The following RUBCNL variants were observed in gnomAD, a reference collection of about 807,000 sequenced individuals.
RUBCNL encodes rubicon like autophagy enhancer.
A neutral mutation model predicts 69.5 loss-of-function variants in RUBCNL; 62 were observed. That is an observed-to-expected ratio of 0.89 (90% confidence interval 0.73 to 1.10). The LOEUF (loss-of-function observed/expected upper bound fraction) is 1.10. Ranked by LOEUF, RUBCNL falls within the 50% of genes least tolerant of loss-of-function variation. The pLI is 0.00. For missense variants in RUBCNL, 768 were observed against 798.1 expected, an observed-to-expected ratio of 0.96 and a Z score of 0.45; for synonymous variants, 291 against 303.6, an observed-to-expected ratio of 0.96 and a Z score of 0.43.
At chr13:46,368,007 A>G (rs758673668) in intron 5 of RUBCNL, 35 bp downstream of exon 5, 2 of 1,584,672 alleles carry the variant, frequency 1.3e-6, no homozygotes, top group East Asian at 2.2e-5. Flanking sequence ...TGTGAAACAC[A>G]TAACATACAG....
chr13:46,367,627 C>T (rs765636271), intron 5 of RUBCNL, among the ~76,000 whole-genome samples: 3 of 152,212 alleles, frequency 2.0e-5, no homozygotes, highest in Non-Finnish European at 4.4e-5. Flanking sequence ...TAAAGACATA[C>T]ATTTGTCCTG....
chr13:46,374,903 C>G (rs1457485156), intron 2 of RUBCNL, among the ~76,000 whole-genome samples: 1 of 152,192 alleles, frequency 6.6e-6, no homozygotes, highest in Non-Finnish European at 1.5e-5. Context: ...GATGACACAT[C>G]TGGCTCCTTC....
In RUBCNL at chr13:46,372,367, G is replaced by A. The variant is rs1259564011; in HGVS notation, c.109C>T (p.His37Tyr). 4 of 1,613,878 alleles carry A rather than the reference G, an allele frequency of 2.5e-6. No individual in the cohort carries two copies. The highest frequency in any genetic ancestry group is 3.4e-6 in the Non-Finnish European group (4 of 1,179,896). Residue 37 changes from histidine (H) to tyrosine (Y), a missense_variant, in exon 3 of 15, where the codon CAT (histidine) becomes TAT (tyrosine). Physicochemically the swap from His to Tyr is moderately conservative, Grantham distance 83. Coordinates refer to ENST00000429979, the MANE Select transcript of RUBCNL (RefSeq NM_025113.5). ...CTGATGTCTAATTGGCAAGGAGGAT[G>A]GTCAGTGTTCAGGAGTCTGGGCGAA... is the stretch of plus-strand genomic sequence containing the variant. Reference protein sequence around the residue: ...DGSPRLLNTDHPPCQLDIRLM... With the variant: ...DGSPRLLNTDYPPCQLDIRLM...
At chr13:46,349,654 G>A (rs2048326309) in intron 11 of RUBCNL, among the ~76,000 whole-genome samples, 1 of 151,742 alleles carries the variant, frequency 6.6e-6, no homozygotes, top group Non-Finnish European at 1.5e-5. Context: ...GCAGGAGAGG[G>A]GCTCCAAAGT....
At chr13:46,359,668 G>A (rs2048569128) in intron 8 of RUBCNL, 37 bp from the exon 9 acceptor site, 1 of 1,478,536 alleles carries the variant, frequency 6.8e-7, no homozygotes, top group Admixed American at 2.5e-5. Flanking sequence ...AACAACTTAA[G>A]CATATTTCAA....
intron 10 of RUBCNL, among the ~76,000 whole-genome samples, chr13:46,352,120 G>A (rs999069699): frequency 3.3e-5 from 5 of 152,094 alleles, no homozygotes; most frequent in Non-Finnish European, 7.4e-5. Flanking sequence ...GAGCCACCAC[G>A]CCCACTGCAC....
rs573184665 is a variant in RUBCNL, at chr13:46,359,605, T to G, written c.1146A>C (p.Lys382Asn). ...CTACATTCATACTGGATTCAAAGTC[T>G]TTTCGGACACACTCTTCATTTACGA... The part of the protein sequence containing the change: ...SIVVNEECVR[K>N]DFESSMNVVQ... Residue 382 changes from lysine (K) to asparagine (N), a missense_variant, in exon 9 of 15, where the codon AAA becomes AAC. Lys to Asn is a moderately conservative substitution (Grantham distance 94, BLOSUM62 0). Coordinates refer to ENST00000429979, the MANE Select transcript of RUBCNL (RefSeq NM_025113.5). 6.3e-7 allele frequency: 1 copy of G among 1,592,312 alleles called. No homozygotes were observed. Among genetic ancestry groups the G allele is most frequent in the African/African-American group, 1.3e-5 (1 of 74,774 alleles).
chr13:46,356,392 T>C (rs1243963766), intron 10 of RUBCNL, 40 bp downstream of exon 10: 1 of 1,601,542 alleles, frequency 6.2e-7, no homozygotes. Flanking sequence ...CTGGACCTTG[T>C]CATCACATCA....
intron 10 of RUBCNL, among the ~76,000 whole-genome samples, chr13:46,355,799 G>T (rs2048471931): frequency 6.6e-6 from 1 of 152,126 alleles, no homozygotes; most frequent in African/African-American, 2.4e-5. Flanking sequence ...AACACATGTG[G>T]CCTCACAGAA....
chr13:46,362,641 G>C (rs1446934917), intron 6 of RUBCNL, 43 bp from the exon 7 acceptor site: 8 of 1,404,056 alleles, frequency 5.7e-6, no homozygotes, highest in Admixed American at 5.5e-5. Context: ...CTTTTAGTCT[G>C]TTTCATTTAA....
rs999645944 is a variant in RUBCNL at position 46,383,972 on chromosome 13, C to T, written c.-239+3162G>A. On this transcript the variant is annotated intron_variant, in intron 1 of 14. Transcript: ENST00000429979. ...ACAGAAGATCTTTAAATCTTGTGGACTCAAATATCTCTTCAGAATATTAAT... is the reference window on the plus strand; with the variant it reads ...ACAGAAGATCTTTAAATCTTGTGGATTCAAATATCTCTTCAGAATATTAAT... Among the ~76,000 whole-genome samples, 4 of 152,152 alleles carry T rather than the reference C, an allele frequency of 2.6e-5. No individual in the cohort carries two copies. The East Asian group carries it at 7.7e-4, about 29-fold the overall frequency.
chr13:46,349,822 G>A lies in RUBCNL; in HGVS notation c.1569+291C>T, dbSNP rs374121208. The stretch of plus-strand genomic sequence containing the variant: ...CTCTCGAGTAGCTGGGATTACAGGC[G>A]TGTGCTACTATACCTGACTAATTTT... On this transcript the variant is annotated intron_variant, in intron 11 of 14. Coordinates refer to ENST00000429979, the MANE Select transcript of RUBCNL (RefSeq NM_025113.5). Among the ~76,000 whole-genome samples, 338 of 151,942 alleles carry A rather than the reference G, an allele frequency of 2.2e-3. 4 individuals carry two copies. The highest frequency in any genetic ancestry group is 0.012 in the South Asian group (56 of 4,810).
chr13:46,371,448 G>A (rs113192787), intron 3 of RUBCNL, among the ~76,000 whole-genome samples: 1 of 152,170 alleles, frequency 6.6e-6, no homozygotes, highest in Admixed American at 6.5e-5. Flanking sequence ...TAATAAAAAG[G>A]GGTTTTGTAT....
intron 9 of RUBCNL, among the ~76,000 whole-genome samples, chr13:46,356,873 C>G (rs1427975039): frequency 6.7e-6 from 1 of 148,434 alleles, no homozygotes; most frequent in Non-Finnish European, 1.5e-5. Context: ...GCCCAGCTAG[C>G]TTTTTTTGGC....
chr13:46,356,390 T>A, intron 10 of RUBCNL, 42 bp downstream of exon 10: 4 of 1,599,416 alleles, frequency 2.5e-6, no homozygotes, highest in Non-Finnish European at 3.4e-6. Flanking sequence ...TTCTGGACCT[T>A]GTCATCACAT....
At chr13:46,388,057 T>TA (rs576888291), upstream of RUBCNL, among the ~76,000 whole-genome samples, 21 of 151,606 alleles carry the variant, frequency 1.4e-4, no homozygotes, top group East Asian at 4.1e-3. Flanking sequence ...ACTAAAAATA[T>TA]AAAAATTAGC....
rs2048103515 is a variant in RUBCNL at position 46,336,094 on chromosome 13, A to T, written c.*7291T>A. On this transcript the variant is annotated 3_prime_UTR_variant, in exon 15 of 15. Coordinates refer to ENST00000429979, the MANE Select transcript of RUBCNL (RefSeq NM_025113.5). ...AGGAAGGGGAGAAATCACAAATGTC[A>T]TGATGTTTCCGGGTTCCAAAGCTTC... 2.0e-5 allele frequency among the ~76,000 whole-genome samples: 3 copies of T among 152,264 alleles called. No individual in the cohort carries two copies. The highest frequency in any genetic ancestry group is 2.0e-4 in the Admixed American group (3 of 15,290).
chr13:46,372,747 A>G (rs1594173219), intron 2 of RUBCNL, 150 bp from the exon 3 acceptor site: 3 of 525,476 alleles, frequency 5.7e-6, no homozygotes, highest in East Asian at 3.8e-5. Context: ...TATAAGTGAA[A>G]AAATAAATAA....
intron 8 of RUBCNL, 97 bp downstream of exon 8, chr13:46,361,344 G>T: frequency 7.6e-7 from 1 of 1,310,072 alleles, no homozygotes; most frequent in South Asian, 1.4e-5. Context: ...AATATCCAGT[G>T]ACCATACAAG....
Sources: gnomAD v4.1 joint callset for allele counts (sites outside exome capture counted in the v4.1 genomes callset) on GRCh38, gnomAD v4.1.1 for gene constraint, MANE v1.5 for transcripts, NCBI Gene and HGNC (gene_info 2026-07-23, HGNC 2026-07-21) for gene names.